PAK5: variants seen among roughly 807,000 people sequenced by gnomAD.
PAK5 encodes the protein serine/threonine-protein kinase PAK 5.
A neutral mutation model predicts 65.9 loss-of-function variants in PAK5; 16 were observed. The observed-to-expected ratio is 0.24, with a 90% CI of 0.16 to 0.37. The LOEUF (loss-of-function observed/expected upper bound fraction) is 0.37, where lower values mean the gene tolerates loss of function less well. Ranked by LOEUF, PAK5 falls within the 10% of genes least tolerant of loss-of-function variation. The pLI is 1.00. For synonymous variants in PAK5, 371 were observed against 354.9 expected (o/e 1.05, Z -0.51); for missense variants, 785 against 903.9 (o/e 0.87, Z 1.69).
intron 7 of PAK5, among the ~76,000 whole-genome samples, chr20:9,556,892 C>A (rs931807745): frequency 4.6e-5 from 7 of 152,162 alleles, no homozygotes; most frequent in African/African-American, 1.7e-4. Context: ...CAATAGGGAG[C>A]ACCAGTAGGA....
intron 8 of PAK5, 82 bp from the exon 9 acceptor site, chr20:9,542,802 T>G: frequency 8.1e-7 from 1 of 1,227,546 alleles, no homozygotes; most frequent in Non-Finnish European, 1.2e-6. Flanking sequence ...CTCATACTCA[T>G]TCACAAGTGA....
At chr20:9,546,477 C>T (rs2045346448) in intron 7 of PAK5, among the ~76,000 whole-genome samples, 2 of 152,030 alleles carry the variant, frequency 1.3e-5, no homozygotes, top group Non-Finnish European at 2.9e-5. Flanking sequence ...GTATTGCCAT[C>T]GCTAGGGTAG....
At chr20:9,762,193 T>C (rs2048707609) in intron 1 of PAK5, among the ~76,000 whole-genome samples, 1 of 152,168 alleles carries the variant, frequency 6.6e-6, no homozygotes, top group East Asian at 1.9e-4. Context: ...TTCTTTGACA[T>C]TGGTCTTGGC....
intron 2 of PAK5, among the ~76,000 whole-genome samples, chr20:9,688,059 T>C (rs1039560847): frequency 1.3e-5 from 2 of 151,898 alleles, no homozygotes; most frequent in Non-Finnish European, 2.9e-5. Flanking sequence ...ATGTGCTAAA[T>C]ATATAAGCAG....
intron 1 of PAK5, among the ~76,000 whole-genome samples, chr20:9,801,738 A>G: frequency 6.6e-6 from 1 of 152,156 alleles, no homozygotes; most frequent in Non-Finnish European, 1.5e-5. Context: ...ATTTCAGTAT[A>G]TAAAAATTTA....
At chr20:9,765,071 C>T (rs757273812) in intron 1 of PAK5, among the ~76,000 whole-genome samples, 19 of 152,112 alleles carry the variant, frequency 1.2e-4, no homozygotes, top group South Asian at 2.1e-4. Context: ...TTTGCTCCAG[C>T]GGTGACCATG....
Position 9,542,961 on chromosome 20 carries a change from C to T in PAK5, c.1870-241G>A, listed in dbSNP as rs181853515. Among the ~76,000 whole-genome samples the T allele has an allele frequency of 7.9e-3, 1,198 of 152,282 alleles. 20 individuals carry two copies. The highest frequency in any genetic ancestry group is 0.027 in the African/African-American group (1,133 of 41,546). On this transcript the variant is annotated intron_variant, in intron 8 of 9. Coordinates refer to ENST00000353224, the MANE Select transcript of PAK5 (RefSeq NM_177990.4). Reference sequence around the variant, plus strand: ...AGACATAAATGAATATTTTAACATTCTAAAGTTTAGTGCTTTCATTTTTAC... The same window carrying T: ...AGACATAAATGAATATTTTAACATTTTAAAGTTTAGTGCTTTCATTTTTAC...
At chr20:9,754,941 G>C (rs1181459175) in intron 1 of PAK5, among the ~76,000 whole-genome samples, 2 of 152,116 alleles carry the variant, frequency 1.3e-5, no homozygotes, top group Non-Finnish European at 2.9e-5. Flanking sequence ...TCTTTAAAAA[G>C]TTTCAAGAGG....
In PAK5 at chr20:9,794,649, T is replaced by A. The variant is rs149748016; in HGVS notation, c.-162+44113A>T. Among the ~76,000 whole-genome samples the A allele has an allele frequency of 5.2e-3, 786 of 152,100 alleles. 6 individuals carry two copies. The highest frequency in any genetic ancestry group is 0.023 in the South Asian group (111 of 4,822). On this transcript the variant is annotated intron_variant, in intron 1 of 9. Transcript: ENST00000353224. ...GTGACCTTGGGAGGGTCTAAAAAGG[T>A]CACTGGAAATGAGAACATCAAGGAA... is the stretch of plus-strand genomic sequence containing the variant.
chr20:9,768,810 A>C (rs2048800599), intron 1 of PAK5, among the ~76,000 whole-genome samples: 1 of 138,132 alleles, frequency 7.2e-6, no homozygotes, highest in South Asian at 2.4e-4. Context: ...AAAAAAAAAA[A>C]GGGAAAGAAA....
At chr20:9,737,118 A>C (rs1213146011) in intron 1 of PAK5, among the ~76,000 whole-genome samples, 1 of 152,146 alleles carries the variant, frequency 6.6e-6, no homozygotes, top group South Asian at 2.1e-4. Flanking sequence ...TGATGGAACA[A>C]ATAGAAAAGA....
chr20:9,703,399 G>A (rs2223564), intron 2 of PAK5, among the ~76,000 whole-genome samples: 23,781 of 152,154 alleles, frequency 0.16, 2,352 homozygotes, highest in South Asian at 0.31. Context: ...GGGAATCCAG[G>A]AGTGGCCAAC....
At chr20:9,749,169 T>C (rs1331443900) in intron 1 of PAK5, among the ~76,000 whole-genome samples, 2 of 152,200 alleles carry the variant, frequency 1.3e-5, no homozygotes, top group African/African-American at 2.4e-5. Flanking sequence ...ACTATTGTTA[T>C]TATCATTGAC....
rs1374910428 is a variant in PAK5, at chr20:9,544,354, C to T, written c.1869+15G>A. The stretch of plus-strand genomic sequence containing the variant: ...GTCCCCAGTCCTGCCACGCCTATGA[C>T]TGTGACCCCCTTACCTCTGTCCCAT... On this transcript the variant is annotated intron_variant, in intron 8 of 9. Transcript: ENST00000353224. 1.9e-6 allele frequency: 3 copies of T among 1,613,080 alleles called. No homozygotes were observed. The Admixed American group carries it at 5.0e-5, about 27-fold the overall frequency.
intron 1 of PAK5, among the ~76,000 whole-genome samples, chr20:9,831,628 C>T (rs1347291900): frequency 2.6e-5 from 4 of 152,190 alleles, no homozygotes; most frequent in East Asian, 1.9e-4. Context: ...CCACCTCAGC[C>T]TCCTGAGTAG....
intron 1 of PAK5, among the ~76,000 whole-genome samples, chr20:9,745,311 A>T (rs2048494054): frequency 7.2e-6 from 1 of 138,522 alleles, no homozygotes; most frequent in Admixed American, 7.2e-5. Flanking sequence ...CCACATCAAA[A>T]AGCAATTTTT....
At chr20:9,625,859 G>T (rs2046837097) in intron 3 of PAK5, among the ~76,000 whole-genome samples, 1 of 152,176 alleles carries the variant, frequency 6.6e-6, no homozygotes, top group Non-Finnish European at 1.5e-5. Context: ...AAGCGCAGCT[G>T]ATGGGTTAAA....
At chr20:9,809,357 G>A (rs2049271545) in intron 1 of PAK5, among the ~76,000 whole-genome samples, 2 of 125,100 alleles carry the variant, frequency 1.6e-5, no homozygotes, top group Non-Finnish European at 1.6e-5. Context: ...TTTTTTGGCA[G>A]GCTCATCATG....
At chr20:9,777,296 G>A (rs1244113122) in intron 1 of PAK5, among the ~76,000 whole-genome samples, 1 of 152,204 alleles carries the variant, frequency 6.6e-6, no homozygotes, top group East Asian at 1.9e-4. Flanking sequence ...ATCTCCTCTT[G>A]AATTGTACTC....
Sources: allele counts gnomAD v4.1 joint callset (sites outside exome capture counted in the v4.1 genomes callset), GRCh38; gene constraint gnomAD v4.1.1; transcripts MANE v1.5; gene names NCBI Gene and HGNC (gene_info 2026-07-23, HGNC 2026-07-21).